The following EYS variants were observed in gnomAD, a reference collection of about 807,000 sequenced individuals.
The protein encoded by EYS is protein eyes shut homolog.
In EYS, 250 loss-of-function variants were observed where a neutral mutation model predicts 282.1. That is an observed-to-expected ratio of 0.89 (90% CI 0.80 to 0.98). The LOEUF (loss-of-function observed/expected upper bound fraction) is 0.98. Ranked by LOEUF, EYS falls within the 50% of genes least tolerant of loss-of-function variation. EYS has a pLI of 0.00. For missense variants in EYS, 4,016 were observed against 3,709.0 expected (o/e 1.08, Z -2.15); for synonymous variants, 1,355 against 1,282.9 (o/e 1.06, Z -1.20).
chr6:64,912,738 T>A lies in EYS; in HGVS notation c.2387A>T (p.Glu796Val), dbSNP rs909973943. The change falls in exon 16 of 43, where the codon GAG becomes GTG. Residue 796 changes from glutamate (E) to valine (V), a missense_variant. Coordinates refer to ENST00000503581, the MANE Select transcript of EYS (RefSeq NM_001142800.2). ...CTGTCCAGTCCATCCAGATGTACAC[T>A]CACATCTGAAATAAAATATTAAAAT... ...CTDLYKSYRC[E>V]CTSGWTGQNC... is the part of the protein sequence containing the mutation. 7.2e-5 allele frequency: 98 copies of A among 1,352,030 alleles called. No homozygotes were observed. The highest frequency in any genetic ancestry group is 8.9e-5 in the Non-Finnish European group (93 of 1,042,524). 83.8% of individuals were successfully genotyped at this position (1,352,030 alleles called of 1,614,324 possible).
At chr6:64,437,352 T>C (rs1026933301) in intron 27 of EYS, among the ~76,000 whole-genome samples, 1 of 151,684 alleles carries the variant, frequency 6.6e-6, no homozygotes, top group African/African-American at 2.4e-5. Flanking sequence ...AACTAGTGAA[T>C]AGAGGTATAG....
intron 24 of EYS, among the ~76,000 whole-genome samples, chr6:64,605,986 A>T (rs933632773): frequency 6.6e-6 from 1 of 152,078 alleles, no homozygotes; most frequent in African/African-American, 2.4e-5. Context: ...ACGTTCCTCC[A>T]TTGGAAATAA....
intron 35 of EYS, among the ~76,000 whole-genome samples, chr6:63,970,187 T>G (rs547917112): frequency 6.6e-6 from 1 of 152,334 alleles, no homozygotes; most frequent in African/African-American, 2.4e-5. Flanking sequence ...CTTACTTCAC[T>G]TACAAAAGCT....
At position 64,439,301 on chromosome 6, in the gene EYS, A is replaced by G; in HGVS notation, c.5696T>C (p.Val1899Ala). Residue 1899 changes from valine (V) to alanine (A), a missense_variant, in exon 27 of 43, where the codon GTG (valine) becomes GCG (alanine). By Grantham distance (64) the Val-to-Ala change is moderately conservative. Transcript: ENST00000503581. ...YGDSYLEFQN[V>A]ALNPQNNISL... ...GATGTTATTTTGTGGATTTAAAGCCACATTCTGAAATTCTAGATAAGAATC... is the reference window on the plus strand; with the variant it reads ...GATGTTATTTTGTGGATTTAAAGCCGCATTCTGAAATTCTAGATAAGAATC... 1 of 1,519,948 alleles carries G rather than the reference A, an allele frequency of 6.6e-7. No individual in the cohort carries two copies. The highest frequency in any genetic ancestry group is 1.3e-5 in the South Asian group (1 of 76,664). The allele number at this position is 1,519,948 out of a possible 1,614,324, so 94.2% of individuals were successfully genotyped here.
At chr6:64,478,204 A>C (rs770733479) in intron 26 of EYS, among the ~76,000 whole-genome samples, 1 of 152,002 alleles carries the variant, frequency 6.6e-6, no homozygotes, top group African/African-American at 2.4e-5. Context: ...CTATATTCTT[A>C]TTACCTTTTG....
At chr6:65,083,061 C>T (rs1352793515) in intron 12 of EYS, among the ~76,000 whole-genome samples, 1 of 151,864 alleles carries the variant, frequency 6.6e-6, no homozygotes, top group Non-Finnish European at 1.5e-5. Context: ...TACTGTCCAT[C>T]TTAAAAAAAT....
chr6:64,579,511 C>G (rs1765993832), intron 26 of EYS, among the ~76,000 whole-genome samples: 1 of 152,024 alleles, frequency 6.6e-6, no homozygotes, highest in South Asian at 2.1e-4. Flanking sequence ...TTATAATTAT[C>G]CTTGAAACCA....
chr6:64,161,512 T>A (rs1775105867), intron 31 of EYS, among the ~76,000 whole-genome samples: 1 of 152,214 alleles, frequency 6.6e-6, no homozygotes, highest in African/African-American at 2.4e-5. Flanking sequence ...AACACATGAT[T>A]ATTTCTTGTG....
chr6:64,241,840 A>C (rs1305737214), intron 30 of EYS, among the ~76,000 whole-genome samples: 4 of 152,022 alleles, frequency 2.6e-5, no homozygotes, highest in Admixed American at 2.6e-4. Flanking sequence ...TAGTGCTATA[A>C]ATTTTCCTCT....
chr6:65,184,029 A>T (rs189737716), intron 12 of EYS, among the ~76,000 whole-genome samples: 5 of 152,118 alleles, frequency 3.3e-5, no homozygotes, highest in Admixed American at 3.3e-4. Flanking sequence ...GTAAATTCAT[A>T]GTCTTTTGTT....
intron 31 of EYS, among the ~76,000 whole-genome samples, chr6:64,084,235 C>A (rs563139382): frequency 6.6e-6 from 1 of 152,328 alleles, no homozygotes; most frequent in African/African-American, 2.4e-5. Context: ...CCATACCCTG[C>A]CTTCTTTCTT....
At chr6:64,031,932 C>T (rs1042035100) in intron 33 of EYS, among the ~76,000 whole-genome samples, 3 of 152,132 alleles carry the variant, frequency 2.0e-5, no homozygotes, top group African/African-American at 7.2e-5. Context: ...CTGCTCTGGT[C>T]CCCTTCCACA....
chr6:65,089,929 C>A (rs1314220250), intron 12 of EYS, among the ~76,000 whole-genome samples: 2 of 144,978 alleles, frequency 1.4e-5, no homozygotes, highest in East Asian at 2.0e-4. Flanking sequence ...TGCATTCTAG[C>A]CTGGGCAAGA....
chr6:64,194,486 G>C (rs1349671240), intron 31 of EYS, among the ~76,000 whole-genome samples: 1 of 151,888 alleles, frequency 6.6e-6, no homozygotes, highest in Admixed American at 6.6e-5. Context: ...TATATTTTTT[G>C]TTGTAGTTTC....
At chr6:65,430,814 C>G (rs368996) in intron 5 of EYS, among the ~76,000 whole-genome samples, 69,945 of 151,952 alleles carry the variant, frequency 0.46, 16,817 homozygotes, top group African/African-American at 0.58. Flanking sequence ...AGGAAAGGAT[C>G]CAGTCCTGGC....
intron 35 of EYS, among the ~76,000 whole-genome samples, chr6:63,921,723 A>G (rs914529298): frequency 6.6e-6 from 1 of 152,226 alleles, no homozygotes; most frequent in African/African-American, 2.4e-5. Flanking sequence ...TTTGAAATCA[A>G]TAGGAACAAT....
At chr6:65,106,455 A>T (rs949716681) in intron 12 of EYS, among the ~76,000 whole-genome samples, 1 of 152,054 alleles carries the variant, frequency 6.6e-6, no homozygotes, top group Admixed American at 6.6e-5. Context: ...CTCTCAAAAT[A>T]ACTTTGTTCT....
chr6:64,911,684 T>G (rs919008933), intron 16 of EYS, among the ~76,000 whole-genome samples: 2 of 152,134 alleles, frequency 1.3e-5, no homozygotes, highest in African/African-American at 4.8e-5. Context: ...GTTTTTTATA[T>G]TATGCTTATG....
At chr6:65,702,820 T>C (rs1024538994) in intron 1 of EYS, among the ~76,000 whole-genome samples, 4 of 152,114 alleles carry the variant, frequency 2.6e-5, no homozygotes, top group African/African-American at 9.7e-5. Context: ...TGCATAATGA[T>C]GATTAATTTT....
Sources: gnomAD v4.1 joint callset for allele counts (sites outside exome capture counted in the v4.1 genomes callset) on GRCh38, gnomAD v4.1.1 for gene constraint, MANE v1.5 for transcripts, NCBI Gene and HGNC (gene_info 2026-07-23, HGNC 2026-07-21) for gene names.